Variants in UGGT1 observed in about 807,000 individuals in gnomAD.
UGGT1 encodes UDP-glucose:glycoprotein glucosyltransferase 1.
In UGGT1, 107 loss-of-function variants were observed where a neutral mutation model predicts 203.9. That is an observed-to-expected ratio of 0.52 (90% CI 0.45 to 0.62). The LOEUF (loss-of-function observed/expected upper bound fraction) is 0.62. Ranked by LOEUF, UGGT1 falls within the 20% of genes least tolerant of loss-of-function variation. UGGT1 has a pLI of 0.00. For synonymous variants in UGGT1, 628 were observed against 653.5 expected (o/e 0.96, Z 0.59); for missense variants, 1,673 against 1,867.2 (o/e 0.90, Z 1.92).
At chr2:128,156,438 T>C (rs1690234545) in intron 21 of UGGT1, 23 bp downstream of exon 21, 6 of 1,561,388 alleles carry the variant, frequency 3.8e-6, no homozygotes, top group African/African-American at 2.7e-5. Context: ...TTCAGAATGT[T>C]CTATTTCTTA....
chr2:128,129,094 G>C lies in UGGT1; in HGVS notation c.1292G>C (p.Gly431Ala), dbSNP rs1375587012. 6.2e-7 allele frequency: 1 copy of C among 1,613,942 alleles called. No homozygotes were observed. The highest frequency in any genetic ancestry group is 1.1e-5 in the South Asian group (1 of 91,068). ...GGTCTGCATAGATTGGGAATAGAAGGCCTTTCTCTGCATAATGTTTTGAAG... is the reference window on the plus strand; with the variant it reads ...GGTCTGCATAGATTGGGAATAGAAGCCCTTTCTCTGCATAATGTTTTGAAG... ...MEGLHRLGIEGLSLHNVLKLN... is the reference protein window; with the variant it reads ...MEGLHRLGIEALSLHNVLKLN... The change falls in exon 13 of 41, where the codon GGC becomes GCC. Residue 431 changes from glycine to alanine, a missense_variant. Gly to Ala is a moderately conservative substitution (Grantham distance 60, BLOSUM62 0). Transcript: ENST00000259253.
intron 40 of UGGT1, among the ~76,000 whole-genome samples, chr2:128,189,505 T>C (rs758099032): frequency 2.6e-5 from 4 of 152,152 alleles, no homozygotes; most frequent in Non-Finnish European, 4.4e-5. Context: ...TGGAGTGGGG[T>C]TTACAGATAG....
intron 22 of UGGT1, among the ~76,000 whole-genome samples, chr2:128,157,922 C>T (rs1690319432): frequency 6.6e-6 from 1 of 152,188 alleles, no homozygotes; most frequent in South Asian, 2.1e-4. Flanking sequence ...TTTTCCTGGG[C>T]TGTTTCAGTT....
chr2:128,114,524 G>A (rs903308639), intron 6 of UGGT1, among the ~76,000 whole-genome samples: 1 of 152,136 alleles, frequency 6.6e-6, no homozygotes, highest in Non-Finnish European at 1.5e-5. Context: ...GTTAATGTCT[G>A]AAGGGCCATC....
intron 22 of UGGT1, among the ~76,000 whole-genome samples, chr2:128,157,790 T>G (rs985413009): frequency 5.3e-5 from 8 of 152,122 alleles, no homozygotes; most frequent in Admixed American, 2.0e-4. Context: ...CACACATAGG[T>G]GTTCTGAAAA....
Position 128,161,149 on chromosome 2 carries a change from A to G in UGGT1, c.2706A>G (p.Pro902=). 2 of 1,613,936 alleles carry G rather than the reference A, an allele frequency of 1.2e-6. No homozygotes were observed. The highest frequency in any genetic ancestry group is 1.1e-5 in the South Asian group (1 of 91,076). The change falls in exon 25 of 41, where the codon CCA becomes CCG. Residue 902 remains proline (P), a synonymous_variant. Coordinates refer to ENST00000259253, the MANE Select transcript of UGGT1 (RefSeq NM_020120.4). The part of the protein sequence containing the change: ...AVISNGRIIG[P]LEDSELFNQD... ...TCTCTCCTTCACAGATCATTGGGCCACTGGAGGATAGTGAGCTCTTTAATC... is the reference window on the plus strand; with the variant it reads ...TCTCTCCTTCACAGATCATTGGGCCGCTGGAGGATAGTGAGCTCTTTAATC...
intron 11 of UGGT1, among the ~76,000 whole-genome samples, chr2:128,124,737 TTTTC>T (rs1181383881): frequency 1.3e-5 from 2 of 152,018 alleles, no homozygotes; most frequent in Non-Finnish European, 2.9e-5. Flanking sequence ...TGTGTATCTT[TTTTC>T]CTTTAGTTGT....
At chr2:128,116,704 T>C (rs890650508) in intron 8 of UGGT1, among the ~76,000 whole-genome samples, 3 of 152,094 alleles carry the variant, frequency 2.0e-5, no homozygotes, top group Admixed American at 6.6e-5. Flanking sequence ...TTTGTATCTT[T>C]AGCAGAGATG....
chr2:128,186,973 T>C (rs1692014907), intron 39 of UGGT1, among the ~76,000 whole-genome samples, 174 bp downstream of exon 39: 1 of 152,194 alleles, frequency 6.6e-6, no homozygotes, highest in African/African-American at 2.4e-5. Context: ...AATATTCTTA[T>C]AAATATTCTT....
In UGGT1 at chr2:128,122,534, A is replaced by T. The variant is rs1229091384; in HGVS notation, c.1074-652A>T. On this transcript the variant is annotated intron_variant, in intron 10 of 40. Transcript: ENST00000259253. ...GAGCAACAAGAACGAAACTCCGTCT[A>T]AAAAAAAAAAAAAAGATTTTGTTTG... 5.9e-5 allele frequency among the ~76,000 whole-genome samples: 6 copies of T among 102,244 alleles called. No homozygotes were observed. In the East Asian group the frequency reaches 1.3e-3, roughly 21 times the overall value. The allele number at this position is 102,244 out of a possible 152,430, so 67.1% of individuals were successfully genotyped here.
chr2:128,098,157 C>G lies in UGGT1; in HGVS notation c.194+593C>G, dbSNP rs955501627. Among the ~76,000 whole-genome samples the G allele has an allele frequency of 7.9e-5, 12 of 152,176 alleles. 1 individual carries two copies. The highest frequency in any genetic ancestry group is 7.2e-4 in the Admixed American group (11 of 15,282). On this transcript the variant is annotated intron_variant, in intron 2 of 40. Transcript: ENST00000259253. ...GGATTACAGATGTGAGCCACTGTGCCTGGCCAGTTGTATTCAAATTTTCTC... is the reference window on the plus strand; with the variant it reads ...GGATTACAGATGTGAGCCACTGTGCGTGGCCAGTTGTATTCAAATTTTCTC...
intron 26 of UGGT1, among the ~76,000 whole-genome samples, chr2:128,169,348 G>A (rs908590124): frequency 2.6e-5 from 4 of 152,186 alleles, no homozygotes; most frequent in Non-Finnish European, 4.4e-5. Context: ...TCCAGCCTGG[G>A]CCACAGAGTG....
chr2:128,184,296 A>G (rs982604706), intron 38 of UGGT1, among the ~76,000 whole-genome samples: 1 of 152,188 alleles, frequency 6.6e-6, no homozygotes, highest in African/African-American at 2.4e-5. Context: ...ATTGTAGTTT[A>G]AGGGTTTTGG....
chr2:128,117,023 T>C lies in UGGT1; in HGVS notation c.872+680T>C, dbSNP rs188201692. Among the ~76,000 whole-genome samples, 376 of 152,276 alleles carry C rather than the reference T, an allele frequency of 2.5e-3. 2 individuals are homozygous for C. Among genetic ancestry groups the C allele is most frequent in the African/African-American group, 8.7e-3 (361 of 41,570 alleles). Reference sequence around the variant, plus strand: ...TTTTCAAACATAGTCTGAGCAAAAATGCGAAATAGATATAGTAAATTTTAT... The same window carrying C: ...TTTTCAAACATAGTCTGAGCAAAAACGCGAAATAGATATAGTAAATTTTAT... On this transcript the variant is annotated intron_variant, in intron 8 of 40. Transcript: ENST00000259253.
intron 40 of UGGT1, among the ~76,000 whole-genome samples, chr2:128,188,107 AC>A (rs904882877): frequency 6.8e-6 from 1 of 147,334 alleles, no homozygotes; most frequent in Non-Finnish European, 1.5e-5. Context: ...TGCAGCCTCC[AC>A]CTCCCAGGTT....
Position 128,173,776 on chromosome 2 carries a change from T to G in UGGT1, c.3295-5T>G. The G allele has an allele frequency of 6.2e-7, 1 of 1,613,006 alleles. No homozygotes were observed. Among genetic ancestry groups the G allele is most frequent in the Non-Finnish European group, 8.5e-7 (1 of 1,179,382 alleles). ...GCATTCAAGTGATTGGATTTTGGCT[T>G]GCAGGTGGACAGTGTAGTGGCTGCT... On this transcript the variant is annotated splice_region_variant and splice_polypyrimidine_tract_variant and intron_variant, in intron 29 of 40. Coordinates refer to ENST00000259253, the MANE Select transcript of UGGT1 (RefSeq NM_020120.4).
intron 26 of UGGT1, 81 bp from the exon 27 acceptor site, chr2:128,170,207 A>C: frequency 9.2e-7 from 1 of 1,090,430 alleles, no homozygotes; most frequent in Non-Finnish European, 1.4e-6. Flanking sequence ...AATGCTAAGA[A>C]GGTTGAAGGT....
At position 128,161,138 on chromosome 2, in the gene UGGT1, A is replaced by T. The variant is rs1690507962; in HGVS notation, c.2695A>T (p.Ile899Phe). Residue 899 changes from isoleucine to phenylalanine, a missense_variant and splice_region_variant, in exon 25 of 41, where the codon ATC becomes TTC. This residue lies in a region of UGGT1 where 1,073 missense variants were observed against 1,078.7 expected (regional missense o/e 0.99). Transcript: ENST00000259253. ...GCGCCTGCTCTTCTCTCCTTCACAGATCATTGGGCCACTGGAGGATAGTGA... is the reference window on the plus strand; with the variant it reads ...GCGCCTGCTCTTCTCTCCTTCACAGTTCATTGGGCCACTGGAGGATAGTGA... ...GQRAVISNGRIIGPLEDSELF... is the reference protein window; with the variant it reads ...GQRAVISNGRFIGPLEDSELF... The T allele has an allele frequency of 6.2e-7, 1 of 1,613,698 alleles. No homozygotes were observed. Among genetic ancestry groups the T allele is most frequent in the Admixed American group, 1.7e-5 (1 of 59,970 alleles).
chr2:128,155,654 AAT>A, intron 20 of UGGT1, 67 bp downstream of exon 20: 1 of 1,241,090 alleles, frequency 8.1e-7, no homozygotes, highest in Non-Finnish European at 1.1e-6. Flanking sequence ...TATTCATCTT[AAT>A]GTGCAAATTA....
Sources: gnomAD v4.1 joint callset for allele counts (sites outside exome capture counted in the v4.1 genomes callset) on GRCh38, gnomAD v4.1.1 for gene constraint, gnomAD v4.1.1 regional missense constraint, MANE v1.5 for transcripts, NCBI Gene and HGNC (gene_info 2026-07-23, HGNC 2026-07-21) for gene names.